The following OPHN1 variants were observed in gnomAD, a reference collection of about 807,000 sequenced individuals.
The protein encoded by OPHN1 is oligophrenin 1, also known as oligophrenin-1.
Under a neutral mutation model 60.7 loss-of-function variants are expected in OPHN1, and 11 were observed. The ratio of observed to expected loss-of-function variants is 0.18; its 90% CI spans 0.11 to 0.30. The LOEUF (loss-of-function observed/expected upper bound fraction) is 0.30. Among genes scored for constraint, OPHN1 ranks in the 10% least tolerant of loss-of-function variants. The pLI, the probability that OPHN1 is intolerant of heterozygous loss-of-function variation, is 1.00. For synonymous variants in OPHN1, 226 were observed against 222.6 expected (o/e 1.02, Z -0.14); for missense variants, 449 against 611.0 (o/e 0.73, Z 2.80).
At chrX:68,343,354 G>A (rs975633332) in intron 2 of OPHN1, among the ~76,000 whole-genome samples, 9 of 108,699 alleles carry the variant, frequency 8.3e-5, no homozygotes, top group Non-Finnish European at 1.7e-4. Flanking sequence ...AGGCTGAGGC[G>A]GGCAGATCAC....
intron 2 of OPHN1, among the ~76,000 whole-genome samples, chrX:68,421,286 A>G (rs2078825232): frequency 9.0e-6 from 1 of 111,315 alleles, no homozygotes; most frequent in East Asian, 2.8e-4. Flanking sequence ...ATGCCATTAC[A>G]GAACAATCAT....
chrX:68,219,664 T>C (rs372528475), intron 6 of OPHN1, among the ~76,000 whole-genome samples: 1 of 110,884 alleles, frequency 9.0e-6, no homozygotes, highest in Non-Finnish European at 1.9e-5. Context: ...ACTGAACAAC[T>C]TGCTCCTGAA....
intron 20 of OPHN1, among the ~76,000 whole-genome samples, chrX:68,068,887 C>T (rs1387098090): frequency 9.0e-6 from 1 of 111,341 alleles, no homozygotes; most frequent in Non-Finnish European, 1.9e-5. Flanking sequence ...TAGGCAAATC[C>T]GTAGAGGCAG....
chrX:68,362,768 T>C (rs73539208), intron 2 of OPHN1, among the ~76,000 whole-genome samples: 18,540 of 110,700 alleles, frequency 0.17, 1,651 homozygotes, highest in African/African-American at 0.34. Flanking sequence ...ATTCAAAGTG[T>C]GAATTCTAAT....
At chrX:68,350,380 G>T (rs1479104883) in intron 2 of OPHN1, among the ~76,000 whole-genome samples, 1 of 109,143 alleles carries the variant, frequency 9.2e-6, no homozygotes, top group African/African-American at 3.3e-5. Context: ...TTGCTTGCTT[G>T]CTTTTTCTTT....
At chrX:68,352,434 T>A (rs1045110449) in intron 2 of OPHN1, among the ~76,000 whole-genome samples, 93 of 109,978 alleles carry the variant, frequency 8.5e-4, no homozygotes, top group Non-Finnish European at 3.2e-4. Flanking sequence ...AGCCGGACAG[T>A]GCTTTGATCC....
chrX:68,356,613 A>G (rs2078442399), intron 2 of OPHN1, among the ~76,000 whole-genome samples: 1 of 110,431 alleles, frequency 9.1e-6, no homozygotes, highest in African/African-American at 3.3e-5. Context: ...GGGTTTTGCC[A>G]TGTTGCCCAG....
At chrX:68,117,757 T>C (rs943190781) in intron 16 of OPHN1, among the ~76,000 whole-genome samples, 1 of 111,294 alleles carries the variant, frequency 9.0e-6, no homozygotes, top group Non-Finnish European at 1.9e-5. Flanking sequence ...GAGAATTCTA[T>C]AGGGTATTTA....
intron 2 of OPHN1, among the ~76,000 whole-genome samples, chrX:68,399,919 G>A (rs766467184): frequency 9.3e-5 from 10 of 107,509 alleles, no homozygotes; most frequent in Non-Finnish European, 1.7e-4. Context: ...TCTGCCTCCC[G>A]GGTCCAAGCA....
chrX:68,132,999 C>T (rs967926352), intron 15 of OPHN1: 50 of 471,839 alleles, frequency 1.1e-4, no homozygotes, highest in South Asian at 8.3e-4. Flanking sequence ...GACGCCAAGC[C>T]GCCGCCGCTT....
intron 21 of OPHN1, among the ~76,000 whole-genome samples, chrX:68,059,811 G>C (rs2076886667): frequency 9.0e-6 from 1 of 111,130 alleles, no homozygotes; most frequent in African/African-American, 3.3e-5. Context: ...ATGTCATAAA[G>C]TCCCAGTCCA....
chrX:68,260,404 T>A (rs968625964), intron 5 of OPHN1, among the ~76,000 whole-genome samples: 1 of 110,987 alleles, frequency 9.0e-6, no homozygotes, highest in African/African-American at 3.3e-5. Context: ...TCCATTGAAC[T>A]GGTGACAGGC....
intron 15 of OPHN1, among the ~76,000 whole-genome samples, chrX:68,182,347 C>G (rs1201319151): frequency 9.5e-6 from 1 of 105,742 alleles, no homozygotes; most frequent in Non-Finnish European, 1.9e-5. Context: ...CCTCTCAGGA[C>G]AGGAAGACTC....
chrX:68,317,605 A>T (rs1470848562), intron 2 of OPHN1, among the ~76,000 whole-genome samples: 1 of 99,287 alleles, frequency 1.0e-5, no homozygotes, highest in African/African-American at 3.9e-5. Flanking sequence ...GAAAGAAAAA[A>T]GAAAGGAGGG....
intron 6 of OPHN1, among the ~76,000 whole-genome samples, chrX:68,221,889 C>T (rs2077661189): frequency 1.1e-5 from 1 of 91,494 alleles, no homozygotes. Context: ...ATGTCTAAAA[C>T]ACCAAAAGCA....
intron 2 of OPHN1, among the ~76,000 whole-genome samples, chrX:68,337,089 AATGG>A (rs1396989868): frequency 9.1e-6 from 1 of 110,368 alleles, no homozygotes; most frequent in Admixed American, 9.8e-5. Flanking sequence ...AATGACACAA[AATGG>A]TAACATGAAC....
At chrX:68,077,329 AC>A (rs1401694609) in intron 19 of OPHN1, among the ~76,000 whole-genome samples, 1 of 111,043 alleles carries the variant, frequency 9.0e-6, no homozygotes, top group Non-Finnish European at 1.9e-5. Flanking sequence ...TGATCTCCCT[AC>A]TTTTAAAACC....
chrX:68,081,952 G>C (rs2076976008), intron 19 of OPHN1, among the ~76,000 whole-genome samples: 1 of 112,235 alleles, frequency 8.9e-6, no homozygotes, highest in South Asian at 3.7e-4. Context: ...CACTGCTTTA[G>C]TAAACCAAGT....
intron 3 of OPHN1, among the ~76,000 whole-genome samples, chrX:68,290,044 T>C (rs1328732669): frequency 9.3e-6 from 1 of 107,868 alleles, no homozygotes; most frequent in Non-Finnish European, 1.9e-5. Context: ...TAATTGATTC[T>C]TTTTTTTTTA....
Sources: gnomAD v4.1 joint callset for allele counts (sites outside exome capture counted in the v4.1 genomes callset) on GRCh38, gnomAD v4.1.1 for gene constraint, MANE v1.5 for transcripts, NCBI Gene and HGNC (gene_info 2026-07-23, HGNC 2026-07-21) for gene names.